GK: variants seen among roughly 807,000 people sequenced by gnomAD.
GK encodes the protein ATP:glycerol 3-phosphotransferase.
GK carries 9 observed loss-of-function variants against 56.4 expected under a neutral mutation model. That is an observed-to-expected ratio of 0.16 (90% CI 0.10 to 0.28). The LOEUF is 0.28. GK is among the 10% of genes least tolerant of loss of function. The pLI, the probability that GK is intolerant of heterozygous loss-of-function variation, is 1.00. For missense variants in GK, 161 were observed against 431.4 expected, an observed-to-expected ratio of 0.37 and a Z score of 5.55; for synonymous variants, 104 against 144.1, an observed-to-expected ratio of 0.72 and a Z score of 1.99.
At chrX:30,665,234 A>C (rs1932991265) in intron 1 of GK, among the ~76,000 whole-genome samples, 2 of 111,999 alleles carry the variant, frequency 1.8e-5, no homozygotes, top group African/African-American at 3.2e-5. Context: ...AATGTGTTAA[A>C]TTTCCGAGAA....
At chrX:30,726,038 G>A (rs1051965075) in intron 19 of GK, among the ~76,000 whole-genome samples, 1 of 110,824 alleles carries the variant, frequency 9.0e-6, no homozygotes, top group South Asian at 3.8e-4. Context: ...ACTAGCGGTT[G>A]AGGATGTAAT....
chrX:30,688,294 A>G (rs1934727741), intron 4 of GK, among the ~76,000 whole-genome samples: 1 of 111,508 alleles, frequency 9.0e-6, no homozygotes, highest in African/African-American at 3.3e-5. Context: ...GAGCAATAGA[A>G]TCACAGGGCC....
intron 4 of GK, among the ~76,000 whole-genome samples, 157 bp downstream of exon 4, chrX:30,677,609 G>A (rs917288934): frequency 4.5e-5 from 5 of 111,009 alleles, no homozygotes; most frequent in African/African-American, 1.6e-4. Context: ...GGTGGATCAC[G>A]AGGTCAGGAG....
intron 17 of GK, 29 bp from the exon 18 acceptor site, chrX:30,720,823 A>G: frequency 8.3e-7 from 1 of 1,211,243 alleles, no homozygotes; most frequent in Non-Finnish European, 1.1e-6. Context: ...TGTAACCACA[A>G]AGATATTGAT....
intron 1 of GK, among the ~76,000 whole-genome samples, chrX:30,662,673 GTTTC>G (rs761690249): frequency 3.5e-4 from 38 of 109,846 alleles, no homozygotes; most frequent in East Asian, 8.6e-4. Context: ...GGGACACCTT[GTTTC>G]TTTCTTTCTT....
chrX:30,676,079 C>T (rs1933878244), intron 3 of GK, among the ~76,000 whole-genome samples: 1 of 112,091 alleles, frequency 8.9e-6, no homozygotes, highest in South Asian at 3.7e-4. Flanking sequence ...GTGCAAGCCA[C>T]CACGCCAGGC....
chrX:30,712,240 A>G (rs749482616), intron 13 of GK, among the ~76,000 whole-genome samples: 1 of 112,129 alleles, frequency 8.9e-6, no homozygotes, highest in East Asian at 2.8e-4. Context: ...GTATTTGGCT[A>G]TTATGAAAAA....
At chrX:30,725,906 G>C (rs926603232) in intron 19 of GK, among the ~76,000 whole-genome samples, 1 of 110,786 alleles carries the variant, frequency 9.0e-6, no homozygotes, top group Admixed American at 9.7e-5. Context: ...ACCCGCCTCA[G>C]CCTCCCAAAG....
At position 30,667,920 on chromosome X, in the gene GK, A is replaced by C. The variant is rs45540243; in HGVS notation, c.153-92A>C. ...TAATCTGGTTTTCTTTAATGTATGC[A>C]CCAGCCACACCCTCATAAGTTAACA... is the stretch of plus-strand genomic sequence containing the variant. On this transcript the variant is annotated intron_variant, in intron 2 of 20. Transcript: ENST00000427190. 4,519 of 553,588 alleles carry C rather than the reference A, an allele frequency of 8.2e-3. 140 individuals carry two copies. The African/African-American group carries it at 0.089, about 11-fold the overall frequency. The allele number at this position is 553,588 out of a possible 1,213,427, so 45.6% of individuals were successfully genotyped here. A position where few individuals can be genotyped will look rare whatever the true frequency, so the allele number is the denominator to read the frequency against.
intron 1 of GK, among the ~76,000 whole-genome samples, chrX:30,660,229 A>T (rs1273970167): frequency 9.0e-6 from 1 of 110,878 alleles, no homozygotes; most frequent in Non-Finnish European, 1.9e-5. Context: ...ATAACATAGC[A>T]GTAGTAGCAG....
At chrX:30,695,029 C>A in intron 6 of GK, 1 of 336,833 alleles carries the variant, frequency 3.0e-6, no homozygotes, top group Non-Finnish European at 5.3e-6. Flanking sequence ...CAGCAATCAT[C>A]AACCTATGGC....
At chrX:30,659,089 T>C (rs1399133749) in intron 1 of GK, among the ~76,000 whole-genome samples, 1 of 112,245 alleles carries the variant, frequency 8.9e-6, no homozygotes, top group African/African-American at 3.2e-5. Context: ...TGGAGTGCAA[T>C]GGCGTGATCT....
At chrX:30,671,097 C>A (rs1247755001) in intron 3 of GK, among the ~76,000 whole-genome samples, 1 of 109,067 alleles carries the variant, frequency 9.2e-6, no homozygotes, top group East Asian at 2.9e-4. Context: ...CGAGACCAGC[C>A]TGGCCAACAT....
chrX:30,724,883 A>G (rs747106862), intron 19 of GK, among the ~76,000 whole-genome samples: 1 of 109,533 alleles, frequency 9.1e-6, no homozygotes, highest in South Asian at 3.9e-4. Context: ...TGAAGCATAT[A>G]CTTTTTTTTT....
intron 19 of GK, among the ~76,000 whole-genome samples, chrX:30,725,869 G>A (rs992716144): frequency 1.8e-5 from 2 of 110,115 alleles, no homozygotes; most frequent in African/African-American, 6.6e-5. Flanking sequence ...TGGCCAGGCT[G>A]GTCTTGAACT....
In GK at chrX:30,713,896, T is replaced by C. The variant is rs184029024; in HGVS notation, c.976-4642T>C. ...TATGACTTGAGACTTCCATGTTCCGTGTTTTGTCACTAGAATATAGATTTC... is the reference window on the plus strand; with the variant it reads ...TATGACTTGAGACTTCCATGTTCCGCGTTTTGTCACTAGAATATAGATTTC... On this transcript the variant is annotated intron_variant, in intron 13 of 20. Transcript: ENST00000427190. 4.5e-5 allele frequency among the ~76,000 whole-genome samples: 5 copies of C among 112,359 alleles called. No homozygotes were observed. In the East Asian group the frequency reaches 1.4e-3, roughly 31 times the overall value.
chrX:30,675,650 C>T (rs1229524745), intron 3 of GK, among the ~76,000 whole-genome samples: 2 of 106,662 alleles, frequency 1.9e-5, no homozygotes, highest in African/African-American at 6.9e-5. Flanking sequence ...GGACTACAGG[C>T]GTGCACCACC....
At chrX:30,665,009 A>G (rs1932979130) in intron 1 of GK, among the ~76,000 whole-genome samples, 1 of 110,993 alleles carries the variant, frequency 9.0e-6, no homozygotes, top group East Asian at 2.8e-4. Context: ...CTGGTCTTCT[A>G]TTTCTCTTTT....
chrX:30,704,111 C>T (rs1186343247), intron 11 of GK, among the ~76,000 whole-genome samples: 1 of 69,159 alleles, frequency 1.4e-5, no homozygotes, highest in African/African-American at 7.2e-5. Context: ...GTCAGAAAAA[C>T]AATGCAGTTA....
Sources: gnomAD v4.1 joint callset for allele counts (sites outside exome capture counted in the v4.1 genomes callset) on GRCh38, gnomAD v4.1.1 for gene constraint, MANE v1.5 for transcripts, NCBI Gene and HGNC (gene_info 2026-07-23, HGNC 2026-07-21) for gene names.